The following CSMD1 variants were observed in gnomAD, a reference collection of about 807,000 sequenced individuals.
CSMD1 encodes the protein CUB and sushi domain-containing protein 1.
Under a neutral mutation model 417.5 loss-of-function variants are expected in CSMD1, and 213 were observed. That is an observed-to-expected ratio of 0.51 (90% CI 0.46 to 0.57). The LOEUF (loss-of-function observed/expected upper bound fraction) is 0.57, where lower values mean the gene tolerates loss of function less well. CSMD1 is among the 20% of genes least tolerant of loss of function. The pLI, the probability that CSMD1 is intolerant of heterozygous loss-of-function variation, is 0.00. For synonymous variants in CSMD1, 2,862 were observed against 1,736.8 expected, an observed-to-expected ratio of 1.65 and a Z score of -16.11; for missense variants, 6,923 against 4,529.7, an observed-to-expected ratio of 1.53 and a Z score of -15.17.
intron 3 of CSMD1, among the ~76,000 whole-genome samples, chr8:4,403,273 G>A (rs554699961): frequency 6.6e-6 from 1 of 152,256 alleles, no homozygotes; most frequent in East Asian, 1.9e-4. Context: ...AGTCAACAAT[G>A]AACATAACTC....
At chr8:4,106,133 A>C (rs549576246) in intron 3 of CSMD1, among the ~76,000 whole-genome samples, 1 of 152,184 alleles carries the variant, frequency 6.6e-6, no homozygotes, top group African/African-American at 2.4e-5. Context: ...GTGACCATCG[A>C]TTTATTACAT....
At chr8:3,166,321 A>G (rs369804168) in intron 37 of CSMD1, among the ~76,000 whole-genome samples, 240 of 152,230 alleles carry the variant, frequency 1.6e-3, no homozygotes, top group African/African-American at 5.6e-3. Context: ...ACCTGAGGTC[A>G]GGTGTTCAAG....
chr8:3,942,007 A>C (rs1359865114), intron 5 of CSMD1, among the ~76,000 whole-genome samples: 1 of 151,954 alleles, frequency 6.6e-6, no homozygotes, highest in Admixed American at 6.6e-5. Flanking sequence ...CTCCTGTCAG[A>C]CCAGCAGTGG....
Position 4,486,861 on chromosome 8 carries a change from C to T in CSMD1, c.303-66796G>A, listed in dbSNP as rs1296594076. Among the ~76,000 whole-genome samples the T allele has an allele frequency of 2.6e-5, 4 of 152,066 alleles. No homozygotes were observed. In the South Asian group the frequency reaches 8.3e-4, roughly 31 times the overall value. ...CTATTGTTATTAATTACACATCAAG[C>T]TCACAATGTTGCACCTAAGATAAAA... On this transcript the variant is annotated intron_variant, in intron 2 of 69. Transcript: ENST00000635120.
chr8:4,410,016 G>A (rs919739629), intron 3 of CSMD1, among the ~76,000 whole-genome samples: 5 of 152,094 alleles, frequency 3.3e-5, no homozygotes, highest in Admixed American at 3.3e-4. Flanking sequence ...ATTTCACCAT[G>A]TTGGCCAAGA....
chr8:4,382,506 C>T (rs906562258), intron 3 of CSMD1, among the ~76,000 whole-genome samples: 1 of 152,142 alleles, frequency 6.6e-6, no homozygotes, highest in African/African-American at 2.4e-5. Flanking sequence ...CTCTGTTCAC[C>T]GCTCTTCTTT....
chr8:4,332,552 TACACACACACACACACAC>T (rs368534632), intron 3 of CSMD1, among the ~76,000 whole-genome samples: 38,954 of 128,770 alleles, frequency 0.3, 5,736 homozygotes, highest in South Asian at 0.38. Context: ...TGATATCACA[TACACACACACACACACAC>T]ACACACACAC....
At chr8:3,376,850 G>C (rs1053534481) in intron 18 of CSMD1, among the ~76,000 whole-genome samples, 1 of 151,844 alleles carries the variant, frequency 6.6e-6, no homozygotes, top group Non-Finnish European at 1.5e-5. Flanking sequence ...TCCTACTTAT[G>C]TAACTTTTGT....
Position 4,591,125 on chromosome 8 carries a change from G to C in CSMD1, c.302+46217C>G, listed in dbSNP as rs367923865. On this transcript the variant is annotated intron_variant, in intron 2 of 69. Transcript: ENST00000635120. ...TAAGCTATGCCATCAAAAGTATTGA[G>C]TTCTGAATGCATCATTTCTTCAGTT... Among the ~76,000 whole-genome samples, 8 of 152,286 alleles carry C rather than the reference G, an allele frequency of 5.3e-5. 1 individual carries two copies. The highest frequency in any genetic ancestry group is 1.9e-4 in the African/African-American group (8 of 41,570).
intron 2 of CSMD1, among the ~76,000 whole-genome samples, chr8:4,635,601 G>A (rs1263967073): frequency 6.6e-6 from 1 of 152,200 alleles, no homozygotes. Context: ...TTAACGTAGA[G>A]TCACACACAT....
At position 4,000,243 on chromosome 8, in the gene CSMD1, C is replaced by T. The variant is rs181355741; in HGVS notation, c.611-2133G>A. On this transcript the variant is annotated intron_variant, in intron 4 of 69. Coordinates refer to ENST00000635120, the MANE Select transcript of CSMD1 (RefSeq NM_033225.6). ...AATGTCTCTCCTGCCCCCCGCCCTCCGTGGACACCACTGTGCAAGCACACA... is the reference window on the plus strand; with the variant it reads ...AATGTCTCTCCTGCCCCCCGCCCTCTGTGGACACCACTGTGCAAGCACACA... 5.7e-3 allele frequency among the ~76,000 whole-genome samples: 866 copies of T among 151,898 alleles called. 8 individuals are homozygous for T. Among genetic ancestry groups the T allele is most frequent in the African/African-American group, 0.02 (813 of 41,348 alleles).
At chr8:4,437,187 T>A (rs140415273) in intron 2 of CSMD1, among the ~76,000 whole-genome samples, 1 of 152,214 alleles carries the variant, frequency 6.6e-6, no homozygotes, top group Non-Finnish European at 1.5e-5. Flanking sequence ...AAAACTTTGT[T>A]GTCTCAACAA....
chr8:4,518,266 A>G (rs972755781), intron 2 of CSMD1, among the ~76,000 whole-genome samples: 14 of 152,286 alleles, frequency 9.2e-5, no homozygotes, highest in East Asian at 7.7e-4. Flanking sequence ...ACAAAACAGC[A>G]GCATCCGACG....
At chr8:3,003,935 G>T (rs1307674003) in intron 52 of CSMD1, among the ~76,000 whole-genome samples, 1 of 152,192 alleles carries the variant, frequency 6.6e-6, no homozygotes, top group Non-Finnish European at 1.5e-5. Context: ...TTATACATTT[G>T]CTAGGAGGGT....
intron 23 of CSMD1, among the ~76,000 whole-genome samples, chr8:3,312,869 G>T (rs1021578045): frequency 6.6e-6 from 1 of 152,054 alleles, no homozygotes; most frequent in East Asian, 1.9e-4. Context: ...ATCCACATTC[G>T]TTAGGATACA....
chr8:4,722,330 T>G (rs898067905), intron 1 of CSMD1, among the ~76,000 whole-genome samples: 3 of 152,184 alleles, frequency 2.0e-5, no homozygotes, highest in African/African-American at 4.8e-5. Flanking sequence ...AAAATATATT[T>G]AATATCCATG....
chr8:4,827,087 G>T (rs1201414808), intron 1 of CSMD1, among the ~76,000 whole-genome samples: 1 of 152,060 alleles, frequency 6.6e-6, no homozygotes, highest in East Asian at 1.9e-4. Flanking sequence ...TCCATGTTCT[G>T]GCAATGCCCT....
intron 30 of CSMD1, among the ~76,000 whole-genome samples, chr8:3,207,941 T>G (rs1200386777): frequency 6.6e-6 from 1 of 152,182 alleles, no homozygotes; most frequent in African/African-American, 2.4e-5. Context: ...TCCAATAGAA[T>G]GCTGGCATCA....
intron 3 of CSMD1, among the ~76,000 whole-genome samples, chr8:4,069,204 G>A (rs778379395): frequency 2.0e-5 from 3 of 152,114 alleles, no homozygotes; most frequent in African/African-American, 7.2e-5. Context: ...TCTGATTGAG[G>A]CGTGAATGTA....
Sources: gnomAD v4.1 joint callset for allele counts (sites outside exome capture counted in the v4.1 genomes callset) on GRCh38, gnomAD v4.1.1 for gene constraint, MANE v1.5 for transcripts, NCBI Gene and HGNC (gene_info 2026-07-23, HGNC 2026-07-21) for gene names.